The following ORC3 variants were observed in gnomAD, a reference collection of about 807,000 sequenced individuals.
ORC3 encodes origin recognition complex subunit 3.
In ORC3, 78 loss-of-function variants were observed where a neutral mutation model predicts 100.7. The observed-to-expected ratio is 0.77, with a 90% CI of 0.65 to 0.94. The LOEUF is 0.94. ORC3 is among the 40% of genes least tolerant of loss of function. The probability of loss-of-function intolerance (pLI) is 0.00; values close to 1 mark genes in which losing one functional copy is unlikely to be tolerated. For missense variants in ORC3, 789 were observed against 823.9 expected, an observed-to-expected ratio of 0.96 and a Z score of 0.52; for synonymous variants, 295 against 289.3, an observed-to-expected ratio of 1.02 and a Z score of -0.20.
At chr6:87,640,992 C>G (rs1270719756) in intron 13 of ORC3, among the ~76,000 whole-genome samples, 1 of 151,976 alleles carries the variant, frequency 6.6e-6, no homozygotes, top group Non-Finnish European at 1.5e-5. Context: ...ACCTCTAATC[C>G]CAGCTACTCG....
intron 13 of ORC3, among the ~76,000 whole-genome samples, chr6:87,649,633 C>T (rs1307277735): frequency 6.6e-6 from 1 of 152,110 alleles, no homozygotes; most frequent in Non-Finnish European, 1.5e-5. Flanking sequence ...GTAATTCCAG[C>T]TACTCAGGAG....
At chr6:87,615,297 CA>C (rs1360299582) in intron 8 of ORC3, among the ~76,000 whole-genome samples, 1 of 152,160 alleles carries the variant, frequency 6.6e-6, no homozygotes, top group Non-Finnish European at 1.5e-5. Context: ...CCTCCCACAG[CA>C]CTTGGGAATT....
At chr6:87,650,087 G>T (rs1769136681) in intron 13 of ORC3, among the ~76,000 whole-genome samples, 3 of 145,764 alleles carry the variant, frequency 2.1e-5, no homozygotes, top group Admixed American at 6.9e-5. Flanking sequence ...TTGAGAGAGG[G>T]TCTCTGTTAC....
Position 87,597,382 on chromosome 6 carries a change from A to T in ORC3, c.79+2975A>T, listed in dbSNP as rs78108061. Among the ~76,000 whole-genome samples, 209 of 152,230 alleles carry T rather than the reference A, an allele frequency of 1.4e-3. 4 individuals carry two copies. The East Asian group carries it at 0.035, about 26-fold the overall frequency. On this transcript the variant is annotated intron_variant, in intron 2 of 19. Transcript: ENST00000392844. Reference sequence around the variant, plus strand: ...AGGATTTCAGATTTTTGGATTAGAGATGCTCAACCTGTGCCAATGCTAAGA... The same window carrying T: ...AGGATTTCAGATTTTTGGATTAGAGTTGCTCAACCTGTGCCAATGCTAAGA...
downstream of ORC3, among the ~76,000 whole-genome samples, chr6:87,671,875 T>C (rs977655833): frequency 1.3e-5 from 2 of 152,098 alleles, no homozygotes; most frequent in African/African-American, 2.4e-5. Context: ...ACTGTTGTGA[T>C]GCAATATGGA....
rs1428876076 is a variant in ORC3 at position 87,605,927 on chromosome 6, CA to C, written c.334del (p.Thr112GlnfsTer5). 19 of 1,582,504 alleles carry C rather than the reference CA, an allele frequency of 1.2e-5. No homozygotes were observed. The highest frequency in any genetic ancestry group is 1.6e-5 in the Non-Finnish European group (18 of 1,152,388). ...TGTATTATCTCATAGGTGTGAATGT[CA>C]CAGATCATGATTTGACATTCGGAAG... Reference protein sequence around the residue: ...TAALVLGVNVTDHDLTFGSLT... With the variant: ...TAALVLGVNVXDHDLTFGSLT... On this transcript the variant is annotated frameshift_variant, in exon 5 of 20. Coordinates refer to ENST00000392844, the MANE Select transcript of ORC3 (RefSeq NM_012381.4). LOFTEE classifies it high-confidence loss of function.
At chr6:87,621,323 C>T in intron 9 of ORC3, 31 bp from the exon 10 acceptor site, 1 of 1,449,886 alleles carries the variant, frequency 6.9e-7, no homozygotes, top group Non-Finnish European at 9.1e-7. Context: ...CAAAATATAA[C>T]AAATATGTTT....
chr6:87,595,643 G>A (rs1159278249), intron 2 of ORC3, among the ~76,000 whole-genome samples: 1 of 151,982 alleles, frequency 6.6e-6, no homozygotes, highest in East Asian at 1.9e-4. Flanking sequence ...AAGCACCAGG[G>A]TCCCACACAG....
chr6:87,629,310 G>A (rs1258082407), intron 11 of ORC3, among the ~76,000 whole-genome samples: 1 of 152,128 alleles, frequency 6.6e-6, no homozygotes, highest in Non-Finnish European at 1.5e-5. Flanking sequence ...AATTACAGAA[G>A]TTTATAGTCA....
intron 11 of ORC3, among the ~76,000 whole-genome samples, chr6:87,622,701 T>A (rs1779623006): frequency 6.6e-6 from 1 of 152,160 alleles, no homozygotes; most frequent in Non-Finnish European, 1.5e-5. Context: ...GTTACTAGTT[T>A]CTTATATTTC....
rs952902220 is a variant in ORC3 at position 87,666,414 on chromosome 6, G to A, written c.2030+581G>A. On this transcript the variant is annotated intron_variant, in intron 19 of 19. Transcript: ENST00000392844. Reference sequence around the variant, plus strand: ...CAAAGTGCTAGGATTATAGGTGTGAGCCACCTCACCCGGCCTAATTCTTTT... The same window carrying A: ...CAAAGTGCTAGGATTATAGGTGTGAACCACCTCACCCGGCCTAATTCTTTT... 7.5e-5 allele frequency among the ~76,000 whole-genome samples: 11 copies of A among 147,642 alleles called. No individual in the cohort carries two copies. The South Asian group carries it at 1.3e-3, about 17-fold the overall frequency.
chr6:87,596,448 G>T (rs116367333), intron 2 of ORC3, among the ~76,000 whole-genome samples: 13 of 144,292 alleles, frequency 9.0e-5, no homozygotes, highest in Admixed American at 2.8e-4. Flanking sequence ...TTTTTTTGTT[G>T]TTTTTTTTTT....
downstream of ORC3, among the ~76,000 whole-genome samples, chr6:87,670,177 A>G (rs1443802906): frequency 1.3e-5 from 2 of 152,124 alleles, no homozygotes; most frequent in Non-Finnish European, 1.5e-5. Flanking sequence ...CAACTGCCCT[A>G]TTTTCTTTTT....
intron 13 of ORC3, among the ~76,000 whole-genome samples, chr6:87,642,498 A>C (rs1768347912): frequency 6.6e-6 from 1 of 151,800 alleles, no homozygotes; most frequent in African/African-American, 2.4e-5. Context: ...CAGGAGAATC[A>C]ATTGAATCCG....
chr6:87,627,779 A>T (rs1780033570), intron 11 of ORC3, among the ~76,000 whole-genome samples: 1 of 152,188 alleles, frequency 6.6e-6, no homozygotes, highest in Admixed American at 6.5e-5. Flanking sequence ...GACCTCACAG[A>T]ATATTCCAGA....
intron 14 of ORC3, among the ~76,000 whole-genome samples, chr6:87,656,107 C>G (rs1045492835): frequency 6.6e-6 from 1 of 152,168 alleles, no homozygotes; most frequent in Admixed American, 6.5e-5. Flanking sequence ...TACATTTAAG[C>G]AGTTATGGTT....
rs747686139 is a variant in ORC3, at chr6:87,645,984, C to CTTTTTTTTT, written c.1383-7130_1383-7122dup. 5.2e-4 allele frequency among the ~76,000 whole-genome samples: 66 copies of CTTTTTTTTT among 127,000 alleles called. 1 individual carries two copies. Among genetic ancestry groups the CTTTTTTTTT allele is most frequent in the African/African-American group, 8.9e-4 (29 of 32,424 alleles). 83.3% of individuals were successfully genotyped at this position (127,000 alleles called of 152,430 possible). A position where few individuals can be genotyped will look rare whatever the true frequency, so the allele number is the denominator to read the frequency against. On this transcript the variant is annotated intron_variant, in intron 13 of 19. Transcript: ENST00000392844. ...GTGAAATAATTTTTTCTTTTTTTTT[C>CTTTTTTTTT]TTTTTTTTTTCTTTTTTTTTGAGGC... is the stretch of plus-strand genomic sequence containing the variant.
intron 13 of ORC3, among the ~76,000 whole-genome samples, chr6:87,644,397 G>A (rs1183092494): frequency 2.0e-5 from 3 of 151,422 alleles, no homozygotes; most frequent in African/African-American, 7.3e-5. Context: ...CCGGCCGGCT[G>A]ACTGTACTTT....
intron 8 of ORC3, among the ~76,000 whole-genome samples, chr6:87,615,641 G>A (rs1365505018): frequency 2.6e-5 from 4 of 152,158 alleles, no homozygotes; most frequent in African/African-American, 7.2e-5. Flanking sequence ...GCTACAGTGA[G>A]CTATGATGCC....
Sources: gnomAD v4.1 joint callset for allele counts (sites outside exome capture counted in the v4.1 genomes callset) on GRCh38, gnomAD v4.1.1 for gene constraint, MANE v1.5 for transcripts, NCBI Gene and HGNC (gene_info 2026-07-23, HGNC 2026-07-21) for gene names.